Variants in CTIF observed in about 807,000 individuals in gnomAD.
The protein encoded by CTIF is CBP80/20-dependent translation initiation factor.
A neutral mutation model predicts 66.0 loss-of-function variants in CTIF; 21 were observed. That is an observed-to-expected ratio of 0.32 (90% CI 0.23 to 0.46). The LOEUF (loss-of-function observed/expected upper bound fraction) is 0.46. Among genes scored for constraint, CTIF ranks in the 20% least tolerant of loss-of-function variants. The pLI is 1.00. For missense variants in CTIF, 739 were observed against 812.7 expected (o/e 0.91, Z 1.10); for synonymous variants, 345 against 326.4 (o/e 1.06, Z -0.62).
Position 48,779,550 on chromosome 18 carries a change from G to A in CTIF, c.1371+17861G>A, listed in dbSNP as rs1599029806. On this transcript the variant is annotated intron_variant, in intron 9 of 11. Transcript: ENST00000256413. ...AACGAGATAAGAAACATGCCATTTA[G>A]GTGGCCATGCTTTCAGAGCCTCCTC... Among the ~76,000 whole-genome samples, 3 of 152,222 alleles carry A rather than the reference G, an allele frequency of 2.0e-5. No homozygotes were observed. In the East Asian group the frequency reaches 5.8e-4, roughly 29 times the overall value.
chr18:48,774,708 T>C (rs1910504390), intron 9 of CTIF, among the ~76,000 whole-genome samples: 2 of 152,112 alleles, frequency 1.3e-5, no homozygotes, highest in Admixed American at 6.5e-5. Flanking sequence ...CCTAGACCCA[T>C]TAAGCAGAGA....
intron 10 of CTIF, among the ~76,000 whole-genome samples, chr18:48,851,895 A>C (rs2146631307): frequency 6.6e-6 from 1 of 151,976 alleles, no homozygotes; most frequent in Admixed American, 6.5e-5. Context: ...TTTTCCTGCT[A>C]AGCACCCTAG....
chr18:48,830,890 C>A (rs1165132299), intron 10 of CTIF, among the ~76,000 whole-genome samples: 1 of 152,140 alleles, frequency 6.6e-6, no homozygotes. Flanking sequence ...AGGCAGGGAA[C>A]GTGTCTATTC....
At chr18:48,856,191 A>G (rs2069324521) in intron 10 of CTIF, among the ~76,000 whole-genome samples, 1 of 152,170 alleles carries the variant, frequency 6.6e-6, no homozygotes, top group African/African-American at 2.4e-5. Flanking sequence ...GGTTTCAGGC[A>G]CTCGGTGTCA....
intron 3 of CTIF, among the ~76,000 whole-genome samples, chr18:48,638,669 G>A (rs1366588898): frequency 6.6e-6 from 1 of 152,210 alleles, no homozygotes; most frequent in Non-Finnish European, 1.5e-5. Context: ...AACACCGCAA[G>A]GAGCAGCTCA....
chr18:48,847,602 A>C (rs867426579), intron 10 of CTIF, among the ~76,000 whole-genome samples: 12 of 152,248 alleles, frequency 7.9e-5, no homozygotes, highest in African/African-American at 2.7e-4. Context: ...ATCTTCAGGG[A>C]AGATACATGT....
intron 7 of CTIF, among the ~76,000 whole-genome samples, chr18:48,744,381 G>A (rs757969317): frequency 6.6e-5 from 10 of 152,084 alleles, no homozygotes; most frequent in Non-Finnish European, 1.3e-4. Context: ...ATTTCTTCTC[G>A]AATGGCCTCT....
chr18:48,617,388 T>C (rs2090418986), intron 1 of CTIF, among the ~76,000 whole-genome samples: 1 of 152,274 alleles, frequency 6.6e-6, no homozygotes, highest in Admixed American at 6.5e-5. Context: ...TAATTTGGGA[T>C]TTAATTTTGT....
chr18:48,718,245 A>G (rs760973129), intron 7 of CTIF, among the ~76,000 whole-genome samples: 26 of 152,204 alleles, frequency 1.7e-4, no homozygotes, highest in Non-Finnish European at 2.4e-4. Flanking sequence ...ATTTTTGAAA[A>G]TTAGACTGTG....
chr18:48,609,532 T>C (rs2090268407), intron 1 of CTIF, among the ~76,000 whole-genome samples: 1 of 152,186 alleles, frequency 6.6e-6, no homozygotes, highest in African/African-American at 2.4e-5. Flanking sequence ...GGTGGCACTT[T>C]CACCATCAGC....
At chr18:48,690,374 A>G (rs937822175) in intron 6 of CTIF, among the ~76,000 whole-genome samples, 1 of 152,110 alleles carries the variant, frequency 6.6e-6, no homozygotes, top group Non-Finnish European at 1.5e-5. Context: ...TACAAAGTGC[A>G]CACATCTAGC....
chr18:48,626,667 T>G (rs1159469435), intron 2 of CTIF, among the ~76,000 whole-genome samples: 1 of 150,250 alleles, frequency 6.7e-6, no homozygotes, highest in African/African-American at 2.5e-5. Flanking sequence ...TTTTTTTTTT[T>G]TTTTTGAGAC....
intron 1 of CTIF, among the ~76,000 whole-genome samples, chr18:48,610,835 C>A (rs1187245499): frequency 6.6e-6 from 1 of 152,212 alleles, no homozygotes; most frequent in Non-Finnish European, 1.5e-5. Flanking sequence ...GGGCTTGGTC[C>A]AGGGCTTTGC....
chr18:48,561,866 G>T (rs75051329), intron 1 of CTIF, among the ~76,000 whole-genome samples: 1 of 152,156 alleles, frequency 6.6e-6, no homozygotes, highest in Non-Finnish European at 1.5e-5. Flanking sequence ...GTCTAGGCTG[G>T]GGGTTGGCAA....
chr18:48,596,817 C>G (rs1440057264), intron 1 of CTIF, among the ~76,000 whole-genome samples: 1 of 152,178 alleles, frequency 6.6e-6, no homozygotes, highest in Admixed American at 6.5e-5. Context: ...TCCCTTTACA[C>G]CTCATTGGTC....
At chr18:48,770,483 G>A (rs1384335345) in intron 9 of CTIF, among the ~76,000 whole-genome samples, 1 of 152,274 alleles carries the variant, frequency 6.6e-6, no homozygotes, top group Non-Finnish European at 1.5e-5. Flanking sequence ...TGCAGAGGCT[G>A]AGGGAGCCTT....
intron 5 of CTIF, among the ~76,000 whole-genome samples, chr18:48,667,740 A>G (rs1053213118): frequency 5.9e-5 from 9 of 152,204 alleles, no homozygotes; most frequent in African/African-American, 2.2e-4. Context: ...CTTTCTCACC[A>G]GGAGCCTCCA....
chr18:48,625,368 G>A, intron 2 of CTIF: 1 of 218,568 alleles, frequency 4.6e-6, no homozygotes, highest in South Asian at 1.7e-4. Context: ...CAAGAATTCA[G>A]ATATTAATAA....
rs558320477 is a variant in CTIF at position 48,736,915 on chromosome 18, C to T, written c.585-21004C>T. Among the ~76,000 whole-genome samples the T allele has an allele frequency of 2.6e-5, 4 of 152,316 alleles. No individual in the cohort carries two copies. The South Asian group carries it at 6.2e-4, about 24-fold the overall frequency. On this transcript the variant is annotated intron_variant, in intron 7 of 11. Transcript: ENST00000256413. ...GCCCAGTCACTTGCTGCTGCACTCA[C>T]GTTCACACAGCCGTGAACTCCCTAG...
Sources: gnomAD v4.1 joint callset for allele counts (sites outside exome capture counted in the v4.1 genomes callset) on GRCh38, gnomAD v4.1.1 for gene constraint, MANE v1.5 for transcripts, NCBI Gene and HGNC (gene_info 2026-07-23, HGNC 2026-07-21) for gene names.